The following ADAMTSL1 variants were observed in gnomAD, a reference collection of about 807,000 sequenced individuals.
ADAMTSL1 encodes ADAMTS-like protein 1.
ADAMTSL1 carries 126 observed loss-of-function variants against 201.8 expected under a neutral mutation model. That is an observed-to-expected ratio of 0.62 (90% CI 0.54 to 0.72). The LOEUF (loss-of-function observed/expected upper bound fraction) is 0.72. Among genes scored for constraint, ADAMTSL1 ranks in the 30% least tolerant of loss-of-function variants. ADAMTSL1 has a pLI of 0.00. For missense variants in ADAMTSL1, 2,679 were observed against 2,277.8 expected, an observed-to-expected ratio of 1.18 and a Z score of -3.59; for synonymous variants, 1,121 against 903.4, an observed-to-expected ratio of 1.24 and a Z score of -4.32.
At chr9:18,904,298 A>C (rs34433667) in intron 26 of ADAMTSL1, among the ~76,000 whole-genome samples, 40,448 of 151,754 alleles carry the variant, frequency 0.27, 6,242 homozygotes, top group Non-Finnish European at 0.35. Flanking sequence ...GCGAAATCCT[A>C]TCTCTACTAA....
At chr9:18,903,878 C>T (rs1830146687) in intron 26 of ADAMTSL1, among the ~76,000 whole-genome samples, 1 of 152,040 alleles carries the variant, frequency 6.6e-6, no homozygotes, top group Admixed American at 6.5e-5. Context: ...TATAAGTGGA[C>T]CTGCCCAGTT....
intron 19 of ADAMTSL1, among the ~76,000 whole-genome samples, chr9:18,792,277 T>TAC (rs1822111129): frequency 6.6e-6 from 1 of 152,150 alleles, no homozygotes; most frequent in African/African-American, 2.4e-5. Flanking sequence ...ATTCCTTATA[T>TAC]ACCCCAGTTT....
intron 19 of ADAMTSL1, among the ~76,000 whole-genome samples, chr9:18,778,475 G>T (rs1821195287): frequency 6.6e-6 from 1 of 152,152 alleles, no homozygotes. Context: ...TCTCTGTTTT[G>T]ATGTATCATT....
intron 1 of ADAMTSL1, among the ~76,000 whole-genome samples, chr9:18,006,841 A>G (rs2131546370): frequency 6.6e-6 from 1 of 152,102 alleles, no homozygotes; most frequent in African/African-American, 2.4e-5. Context: ...TGAATAGGAG[A>G]TTCAGAACTG....
intron 4 of ADAMTSL1, among the ~76,000 whole-genome samples, chr9:18,611,561 A>T (rs1825367696): frequency 6.6e-6 from 1 of 152,184 alleles, no homozygotes; most frequent in Admixed American, 6.5e-5. Flanking sequence ...CCCTGAAGTA[A>T]ATAAGACGAG....
chr9:18,435,443 A>C (rs1819684806), intron 2 of ADAMTSL1, among the ~76,000 whole-genome samples: 1 of 152,222 alleles, frequency 6.6e-6, no homozygotes, highest in South Asian at 2.1e-4. Flanking sequence ...AAATACTCAC[A>C]CAAATATGTA....
intron 1 of ADAMTSL1, among the ~76,000 whole-genome samples, chr9:18,099,355 A>ATATATATATTT (rs1239180390): frequency 3.7e-4 from 17 of 45,536 alleles, no homozygotes; most frequent in Middle Eastern, 0.019. Context: ...ATATATATAT[A>ATATATATATTT]TTTTTTTTTT....
chr9:18,856,503 G>A (rs113398798), intron 23 of ADAMTSL1, among the ~76,000 whole-genome samples: 3,653 of 120,842 alleles, frequency 0.03, 87 homozygotes, highest in South Asian at 0.1. Context: ...TCGCTCTGTC[G>A]CCCAGGCTAG....
intron 1 of ADAMTSL1, among the ~76,000 whole-genome samples, chr9:18,102,430 A>T (rs1354198165): frequency 6.6e-6 from 1 of 152,226 alleles, no homozygotes; most frequent in Non-Finnish European, 1.5e-5. Flanking sequence ...TGAATTATAT[A>T]CAAATATGAC....
intron 23 of ADAMTSL1, among the ~76,000 whole-genome samples, chr9:18,846,996 G>A (rs1217468504): frequency 6.6e-6 from 1 of 152,206 alleles, no homozygotes; most frequent in Non-Finnish European, 1.5e-5. Flanking sequence ...GGTGTGTAAT[G>A]CAGAATGTGT....
intron 2 of ADAMTSL1, among the ~76,000 whole-genome samples, chr9:18,241,604 A>G (rs1451866410): frequency 1.3e-5 from 2 of 152,176 alleles, no homozygotes; most frequent in African/African-American, 2.4e-5. Context: ...ATGTTATAAG[A>G]CATATATAAA....
chr9:18,883,775 C>T (rs111414707), intron 23 of ADAMTSL1, among the ~76,000 whole-genome samples: 3,929 of 152,244 alleles, frequency 0.026, 119 homozygotes, highest in South Asian at 0.13. Flanking sequence ...GTATAATATT[C>T]CATCATACAT....
At chr9:18,721,406 C>T (rs1304869858) in intron 14 of ADAMTSL1, 130 bp from the exon 15 acceptor site, 53 of 1,301,372 alleles carry the variant, frequency 4.1e-5, no homozygotes, top group Non-Finnish European at 5.2e-5. Context: ...CTTTAAACTG[C>T]CATCTCTGAC....
intron 2 of ADAMTSL1, among the ~76,000 whole-genome samples, chr9:18,351,470 TGA>T (rs1835962268): frequency 1.3e-5 from 2 of 152,110 alleles, no homozygotes; most frequent in Non-Finnish European, 1.5e-5. Flanking sequence ...TGTTTAATTC[TGA>T]GAGTATTGGG....
At chr9:18,338,898 A>T (rs1393189699) in intron 2 of ADAMTSL1, among the ~76,000 whole-genome samples, 1 of 152,048 alleles carries the variant, frequency 6.6e-6, no homozygotes, top group Non-Finnish European at 1.5e-5. Flanking sequence ...TTCCTGTGTT[A>T]GTTTGCTTAA....
At chr9:18,868,768 C>G (rs990182619) in intron 23 of ADAMTSL1, among the ~76,000 whole-genome samples, 10 of 152,174 alleles carry the variant, frequency 6.6e-5, no homozygotes, top group African/African-American at 2.4e-4. Flanking sequence ...GTGTAGCACC[C>G]TCAACTCCGG....
chr9:18,343,943 C>G (rs371113167), intron 2 of ADAMTSL1, among the ~76,000 whole-genome samples: 4 of 152,124 alleles, frequency 2.6e-5, no homozygotes, highest in African/African-American at 9.7e-5. Context: ...CTATGCAAAT[C>G]TCTCCTGAGG....
chr9:17,964,403 A>G (rs72695988), intron 1 of ADAMTSL1, among the ~76,000 whole-genome samples: 2,369 of 152,282 alleles, frequency 0.016, 28 homozygotes, highest in Middle Eastern at 0.065. Context: ...TTGAAGTGAC[A>G]AAATTATAGC....
chr9:18,440,365 A>C (rs2133450215), intron 2 of ADAMTSL1, among the ~76,000 whole-genome samples: 1 of 152,218 alleles, frequency 6.6e-6, no homozygotes, highest in Non-Finnish European at 1.5e-5. Context: ...AAGATGTGTT[A>C]GGTTTCTATA....
Sources: gnomAD v4.1 joint callset for allele counts (sites outside exome capture counted in the v4.1 genomes callset) on GRCh38, gnomAD v4.1.1 for gene constraint, MANE v1.5 for transcripts, NCBI Gene and HGNC (gene_info 2026-07-23, HGNC 2026-07-21) for gene names.